The following SCN11A variants were observed in gnomAD, a reference collection of about 807,000 sequenced individuals.
The protein encoded by SCN11A is sodium voltage-gated channel alpha subunit 11, also known as sodium channel protein type 11 subunit alpha.
A neutral mutation model predicts 162.2 loss-of-function variants in SCN11A; 122 were observed. The observed-to-expected ratio is 0.75, with a 90% CI of 0.65 to 0.87. The LOEUF (loss-of-function observed/expected upper bound fraction) is 0.87, where lower values mean the gene tolerates loss of function less well. Ranked by LOEUF, SCN11A falls within the 40% of genes least tolerant of loss-of-function variation. The pLI, the probability that SCN11A is intolerant of heterozygous loss-of-function variation, is 0.00. For synonymous variants in SCN11A, 758 were observed against 751.5 expected (o/e 1.01, Z -0.14); for missense variants, 2,015 against 2,181.6 (o/e 0.92, Z 1.52).
intron 5 of SCN11A, 27 bp downstream of exon 5, chr3:38,950,069 A>ACAC: frequency 6.2e-5 from 4 of 65,028 alleles, no homozygotes; most frequent in South Asian, 2.5e-4. Context: ...CCCCACCCCC[A>ACAC]CCCCCCCCCC....
intron 9 of SCN11A, among the ~76,000 whole-genome samples, chr3:38,924,240 T>C (rs75298423): frequency 6.6e-6 from 1 of 152,008 alleles, no homozygotes; most frequent in Non-Finnish European, 1.5e-5. Context: ...TTTTTTTTTT[T>C]AGACCTTAGG....
At chr3:38,983,267 C>T (rs2030123565) in intron 2 of SCN11A, among the ~76,000 whole-genome samples, 1 of 152,196 alleles carries the variant, frequency 6.6e-6, no homozygotes, top group Non-Finnish European at 1.5e-5. Context: ...ATGTCACCTT[C>T]ACCAGAGTGG....
intron 19 of SCN11A, among the ~76,000 whole-genome samples, chr3:38,891,830 A>G (rs138992030): frequency 1.3e-5 from 2 of 152,364 alleles, no homozygotes; most frequent in African/African-American, 2.4e-5. Context: ...ATCACCTATT[A>G]AAGGTCTTAC....
chr3:38,932,200 T>C (rs888258952), intron 7 of SCN11A, among the ~76,000 whole-genome samples: 8 of 152,200 alleles, frequency 5.3e-5, no homozygotes, highest in African/African-American at 1.9e-4. Context: ...ATAAATATTT[T>C]TATTATTTAC....
intron 2 of SCN11A, among the ~76,000 whole-genome samples, chr3:38,970,311 T>G (rs1178763368): frequency 6.6e-6 from 1 of 152,228 alleles, no homozygotes; most frequent in Non-Finnish European, 1.5e-5. Flanking sequence ...TGTAATTTTT[T>G]GCATGCATGC....
chr3:39,051,215 T>C (rs987043109), intron 1 of SCN11A, among the ~76,000 whole-genome samples: 4 of 152,082 alleles, frequency 2.6e-5, no homozygotes, highest in Admixed American at 1.3e-4. Context: ...CAGGCTATTT[T>C]GTCACCCAGG....
At chr3:38,948,880 T>C (rs2066557905) in intron 5 of SCN11A, among the ~76,000 whole-genome samples, 1 of 152,080 alleles carries the variant, frequency 6.6e-6, no homozygotes, top group Non-Finnish European at 1.5e-5. Context: ...CTCCAACAAC[T>C]ATACCTCCAA....
At chr3:39,030,869 G>A (rs1032948771) in intron 2 of SCN11A, among the ~76,000 whole-genome samples, 2 of 152,112 alleles carry the variant, frequency 1.3e-5, no homozygotes, top group African/African-American at 4.8e-5. Context: ...GGAGAAAATA[G>A]GTTTCCTGAA....
chr3:38,895,148 A>C (rs1028097256), intron 18 of SCN11A, among the ~76,000 whole-genome samples, 184 bp from the exon 19 acceptor site: 1 of 152,202 alleles, frequency 6.6e-6, no homozygotes, highest in Non-Finnish European at 1.5e-5. Flanking sequence ...TAGAAACAGT[A>C]AGACAGAATA....
chr3:38,959,630 T>C (rs952323603), intron 3 of SCN11A, among the ~76,000 whole-genome samples: 3 of 152,210 alleles, frequency 2.0e-5, no homozygotes, highest in African/African-American at 7.2e-5. Context: ...GACAGCTTAA[T>C]GGTAGACATG....
intron 7 of SCN11A, among the ~76,000 whole-genome samples, chr3:38,934,828 A>AAGTT (rs1330038685): frequency 6.6e-6 from 1 of 152,050 alleles, no homozygotes; most frequent in Non-Finnish European, 1.5e-5. Flanking sequence ...ACGAGACAGA[A>AAGTT]AGTTAACAAG....
Position 38,905,309 on chromosome 3 carries a change from CT to C in SCN11A, c.1485del (p.Glu496SerfsTer28). 1.9e-6 allele frequency: 3 copies of C among 1,613,722 alleles called. No homozygotes were observed. Among genetic ancestry groups the C allele is most frequent in the Non-Finnish European group, 2.5e-6 (3 of 1,179,804 alleles). On this transcript the variant is annotated frameshift_variant, in exon 15 of 30. Coordinates refer to ENST00000302328, the MANE Select transcript of SCN11A (RefSeq NM_001349253.2). LOFTEE classifies it high-confidence loss of function. ...DEDCQKKPQL[L>X]EQTKRLSQNL... ...TTCTGGGACAGTCGTTTGGTTTGCT[CT>C]AGGAGCTGTGGCTGTAAGAGAAGGC...
chr3:39,028,941 C>A (rs1419601396), intron 2 of SCN11A, among the ~76,000 whole-genome samples: 3 of 152,170 alleles, frequency 2.0e-5, no homozygotes, highest in African/African-American at 7.2e-5. Flanking sequence ...CAAATTGCAA[C>A]ATGAGTTTTA....
chr3:38,951,529 G>T (rs1394295334), intron 4 of SCN11A, among the ~76,000 whole-genome samples: 1 of 152,256 alleles, frequency 6.6e-6, no homozygotes, highest in Non-Finnish European at 1.5e-5. Context: ...AAGGGCTGAG[G>T]AGTGCGAGCG....
chr3:39,010,942 A>G (rs1354493251), intron 2 of SCN11A, among the ~76,000 whole-genome samples: 3 of 152,202 alleles, frequency 2.0e-5, no homozygotes, highest in African/African-American at 7.2e-5. Context: ...ATTAATATTT[A>G]TAAGAAACAG....
chr3:38,864,624 C>T (rs2065014287), intron 27 of SCN11A, among the ~76,000 whole-genome samples: 1 of 152,100 alleles, frequency 6.6e-6, no homozygotes, highest in African/African-American at 2.4e-5. Context: ...GAATTTTAAG[C>T]AACTCTGTCC....
intron 7 of SCN11A, among the ~76,000 whole-genome samples, chr3:38,936,170 C>T (rs1243536209): frequency 2.0e-5 from 3 of 151,386 alleles, no homozygotes; most frequent in African/African-American, 7.3e-5. Context: ...AATTCAACAA[C>T]CCTTCATGCT....
chr3:39,010,825 A>G (rs2031110249), intron 2 of SCN11A, among the ~76,000 whole-genome samples: 1 of 152,380 alleles, frequency 6.6e-6, no homozygotes, highest in Non-Finnish European at 1.5e-5. Context: ...GAAGATTGTA[A>G]TACATGTTTC....
chr3:38,942,514 GAAATT>G (rs1434507985), intron 7 of SCN11A, among the ~76,000 whole-genome samples: 9 of 152,050 alleles, frequency 5.9e-5, no homozygotes, highest in Admixed American at 6.5e-5. Context: ...TAACTGAACT[GAAATT>G]AGATAATAAT....
Sources: allele counts gnomAD v4.1 joint callset (sites outside exome capture counted in the v4.1 genomes callset), GRCh38; gene constraint gnomAD v4.1.1; transcripts MANE v1.5; gene names NCBI Gene and HGNC (gene_info 2026-07-23, HGNC 2026-07-21).